Variants in MYLK observed in about 807,000 individuals in gnomAD.
The protein encoded by MYLK is myosin light chain kinase.
MYLK carries 106 observed loss-of-function variants against 203.4 expected under a neutral mutation model. The ratio of observed to expected loss-of-function variants is 0.52; its 90% CI spans 0.45 to 0.61. The LOEUF is 0.61. Among genes scored for constraint, MYLK ranks in the 20% least tolerant of loss-of-function variants. The probability of loss-of-function intolerance (pLI) is 0.00; values close to 1 mark genes in which losing one functional copy is unlikely to be tolerated. For synonymous variants in MYLK, 867 were observed against 959.5 expected, an observed-to-expected ratio of 0.90 and a Z score of 1.78; for missense variants, 2,072 against 2,442.3, an observed-to-expected ratio of 0.85 and a Z score of 3.20.
chr3:123,646,529 A>ATGTG (rs970280501), intron 27 of MYLK, among the ~76,000 whole-genome samples: 2 of 152,044 alleles, frequency 1.3e-5, no homozygotes, highest in Non-Finnish European at 2.9e-5. Context: ...GTGTGTGTGC[A>ATGTG]TGTGTGTGTG....
intron 3 of MYLK, among the ~76,000 whole-genome samples, chr3:123,820,355 G>A (rs1417176404): frequency 1.3e-5 from 2 of 152,190 alleles, no homozygotes; most frequent in African/African-American, 4.8e-5. Flanking sequence ...AGGGAACACA[G>A]TTAAGGATAA....
chr3:123,758,243 T>C (rs2063422389), intron 4 of MYLK, among the ~76,000 whole-genome samples: 1 of 152,190 alleles, frequency 6.6e-6, no homozygotes. Flanking sequence ...AGGCAGGCAC[T>C]TAATTAAGGC....
intron 5 of MYLK, among the ~76,000 whole-genome samples, chr3:123,744,098 T>C (rs2062943580): frequency 6.6e-6 from 1 of 152,176 alleles, no homozygotes; most frequent in African/African-American, 2.4e-5. Flanking sequence ...GATATCCCCA[T>C]GCGACCCTGA....
At chr3:123,847,056 T>C (rs1371687277) in intron 2 of MYLK, among the ~76,000 whole-genome samples, 1 of 152,092 alleles carries the variant, frequency 6.6e-6, no homozygotes, top group Non-Finnish European at 1.5e-5. Context: ...AAATCCAAAA[T>C]ATATTTTTTA....
rs1183444473 is a variant in MYLK at position 123,647,412 on chromosome 3, C to A, written c.4431G>T (p.Gln1477His). Residue 1477 changes from glutamine (Q) to histidine (H), a missense_variant, in exon 27 of 34, where the codon CAG becomes CAT. Physicochemically the swap from Gln to His is conservative, Grantham distance 24. Coordinates refer to ENST00000360304, the MANE Select transcript of MYLK (RefSeq NM_053025.4). Reference sequence around the variant, plus strand: ...TTTTCTTTTCTACAAGTCGAAAGACCTGTCCAAATTTCCCACTGCAAATGA... The same window carrying A: ...TTTTCTTTTCTACAAGTCGAAAGACATGTCCAAATTTCCCACTGCAAATGA... ...EERLGSGKFGQVFRLVEKKTR... is the reference protein window; with the variant it reads ...EERLGSGKFGHVFRLVEKKTR... The A allele has an allele frequency of 1.9e-6, 3 of 1,614,196 alleles. No homozygotes were observed. Among genetic ancestry groups the A allele is most frequent in the Non-Finnish European group, 2.5e-6 (3 of 1,180,016 alleles).
intron 2 of MYLK, among the ~76,000 whole-genome samples, chr3:123,872,793 T>C (rs2148713190): frequency 6.6e-6 from 1 of 152,280 alleles, no homozygotes; most frequent in South Asian, 2.1e-4. Context: ...GATTAGGAGT[T>C]TTTATGGAGG....
intron 24 of MYLK, among the ~76,000 whole-genome samples, chr3:123,654,861 C>T (rs1414601754): frequency 2.0e-5 from 3 of 151,802 alleles, no homozygotes; most frequent in African/African-American, 4.8e-5. Context: ...GGACCACAGG[C>T]GCATGCCACC....
chr3:123,828,149 G>A (rs1224844706), intron 3 of MYLK, among the ~76,000 whole-genome samples: 1 of 152,004 alleles, frequency 6.6e-6, no homozygotes, highest in African/African-American at 2.4e-5. Flanking sequence ...AATAGCCAAA[G>A]CAGTCCCGAC....
chr3:123,691,576 G>A (rs1392533558), intron 19 of MYLK: 2 of 152,118 alleles, frequency 1.3e-5, no homozygotes, highest in African/African-American at 4.8e-5. Flanking sequence ...ATGTTCCATA[G>A]AGCTCAGCTC....
Position 123,700,925 on chromosome 3 carries a change from G to T in MYLK, c.2543C>A (p.Ser848Tyr). 2 of 1,611,630 alleles carry T rather than the reference G, an allele frequency of 1.2e-6. No homozygotes were observed. The highest frequency in any genetic ancestry group is 1.7e-6 in the Non-Finnish European group (2 of 1,180,022). The change falls in exon 18 of 34, where the codon TCC becomes TAC. Residue 848 changes from serine to tyrosine, a missense_variant. By Grantham distance (144) the Ser-to-Tyr change is moderately radical. Transcript: ENST00000360304. ...ADGGGSDRYG[S>Y]LRPGWPARGQ... The stretch of plus-strand genomic sequence containing the variant: ...TCTTGCTGGCCAGCCAGGCCTCAGG[G>T]ACCCATAGCGGTCACTACCACCACC...
chr3:123,820,793 G>A (rs2065910078), intron 3 of MYLK, among the ~76,000 whole-genome samples: 2 of 151,784 alleles, frequency 1.3e-5, no homozygotes, highest in African/African-American at 4.8e-5. Context: ...GTGCAATCTC[G>A]GCTCACTGCA....
In MYLK at chr3:123,647,246, T is replaced by C; in HGVS notation, c.4597A>G (p.Asn1533Asp). 1 of 1,614,228 alleles carries C rather than the reference T, an allele frequency of 6.2e-7. No individual in the cohort carries two copies. The highest frequency in any genetic ancestry group is 1.3e-5 in the African/African-American group (1 of 75,068). Residue 1533 changes from asparagine to aspartate, a missense_variant, in exon 27 of 34, where the codon AAC (asparagine) becomes GAC (aspartate). Transcript: ENST00000360304. ...QCVDAFEEKA[N>D]IVMVLEIVSG... is the part of the protein sequence containing the mutation. Reference sequence around the variant, plus strand: ...CACATCTCCAGGACCATGACGATGTTGGCCTTTTCTTCAAAGGCATCCACA... The same window carrying C: ...CACATCTCCAGGACCATGACGATGTCGGCCTTTTCTTCAAAGGCATCCACA...
At position 123,737,561 on chromosome 3, in the gene MYLK, G is replaced by T; in HGVS notation, c.589-18C>A. Reference sequence around the variant, plus strand: ...ACATTTCCCTGTGGATGGCAATGGGGTAACTTGGTCATACAAATCTGCTCA... The same window carrying T: ...ACATTTCCCTGTGGATGGCAATGGGTTAACTTGGTCATACAAATCTGCTCA... On this transcript the variant is annotated intron_variant, in intron 7 of 33. Transcript: ENST00000360304. 1 of 1,613,906 alleles carries T rather than the reference G, an allele frequency of 6.2e-7. No homozygotes were observed.
chr3:123,741,703 CT>C (rs35965555), intron 5 of MYLK, among the ~76,000 whole-genome samples: 54 of 152,324 alleles, frequency 3.5e-4, no homozygotes, highest in Middle Eastern at 6.8e-3. Flanking sequence ...CAGCTATTCA[CT>C]TTTATCTTAT....
chr3:123,680,991 C>T (rs1197454827), intron 20 of MYLK: 2 of 145,028 alleles, frequency 1.4e-5, no homozygotes, highest in Non-Finnish European at 3.0e-5. Flanking sequence ...GCACTTCTGC[C>T]TTTATAGCCC....
chr3:123,664,187 G>T lies in MYLK; in HGVS notation c.3903C>A (p.Arg1301=), dbSNP rs375287622. 56 of 1,614,074 alleles carry T rather than the reference G, an allele frequency of 3.5e-5. No homozygotes were observed. The highest frequency in any genetic ancestry group is 4.4e-5 in the Non-Finnish European group (52 of 1,180,020). ...GTGTGTAGCAGCCGCAGTGCTCCTG[G>T]CGCGCGGCCAGGATGGTGAGCTTGC... ...NGSKLTILAA[R]QEHCGCYTLL... is the part of the protein sequence containing the mutation. The change falls in exon 23 of 34, where the codon CGC becomes CGA. Residue 1301 remains arginine, a synonymous_variant. Coordinates refer to ENST00000360304, the MANE Select transcript of MYLK (RefSeq NM_053025.4).
At chr3:123,836,586 C>A (rs571434858) in intron 2 of MYLK, among the ~76,000 whole-genome samples, 3 of 152,140 alleles carry the variant, frequency 2.0e-5, no homozygotes, top group Middle Eastern at 3.2e-3. Flanking sequence ...TAAGGAGCAC[C>A]TGGTAGGCTA....
At chr3:123,754,979 C>T (rs148693494) in intron 4 of MYLK, among the ~76,000 whole-genome samples, 31 of 152,300 alleles carry the variant, frequency 2.0e-4, no homozygotes, top group Middle Eastern at 6.8e-3. Flanking sequence ...AAGGCAGAAA[C>T]GTTCATGCAT....
chr3:123,658,429 T>C (rs2108281779), intron 23 of MYLK, among the ~76,000 whole-genome samples: 1 of 152,372 alleles, frequency 6.6e-6, no homozygotes. Flanking sequence ...ATTAGTTGCT[T>C]ATCTGAGCAA....
Sources: allele counts gnomAD v4.1 joint callset (sites outside exome capture counted in the v4.1 genomes callset), GRCh38; gene constraint gnomAD v4.1.1; transcripts MANE v1.5; gene names NCBI Gene and HGNC (gene_info 2026-07-23, HGNC 2026-07-21).